OXR1: variants seen among roughly 807,000 people sequenced by gnomAD.
OXR1 encodes oxidation resistance protein 1.
A neutral mutation model predicts 104.6 loss-of-function variants in OXR1; 41 were observed. That is an observed-to-expected ratio of 0.39 (90% CI 0.31 to 0.51). The LOEUF is 0.51. Among genes scored for constraint, OXR1 ranks in the 20% least tolerant of loss-of-function variants. The probability of loss-of-function intolerance (pLI) is 0.77; values close to 1 mark genes in which losing one functional copy is unlikely to be tolerated. For missense variants in OXR1, 955 were observed against 1,031.9 expected (o/e 0.93, Z 1.02); for synonymous variants, 348 against 348.4 (o/e 1.00, Z 0.01).
intron 15 of OXR1, among the ~76,000 whole-genome samples, chr8:106,745,058 G>A (rs2131591301): frequency 6.6e-6 from 1 of 152,218 alleles, no homozygotes; most frequent in South Asian, 2.1e-4. Flanking sequence ...GTGTAATAAT[G>A]TAGTCAATTA....
At chr8:106,391,683 A>G (rs1419152929) in intron 2 of OXR1, among the ~76,000 whole-genome samples, 1 of 152,182 alleles carries the variant, frequency 6.6e-6, no homozygotes, top group Non-Finnish European at 1.5e-5. Flanking sequence ...CTGCAAACTT[A>G]GAATTTTTTT....
intron 3 of OXR1, among the ~76,000 whole-genome samples, chr8:106,604,055 A>AAAAC (rs947094931): frequency 2.6e-4 from 39 of 152,276 alleles, no homozygotes; most frequent in East Asian, 1.5e-3. Context: ...TCCATCTCAA[A>AAAAC]AAACAAACAA....
chr8:106,439,673 C>CAA (rs147401388), intron 2 of OXR1, among the ~76,000 whole-genome samples: 2,062 of 152,110 alleles, frequency 0.014, 42 homozygotes, highest in African/African-American at 0.045. Flanking sequence ...ATTTGACATA[C>CAA]AAACATTGTG....
rs1371707403 is a variant in OXR1 at position 106,302,918 on chromosome 8, AT to A, written c.-139+32559del. ...AGGCGCCCGCCACCAGGCCCGGCTAATTTTTTTTGTATTTTTAGTAGAGACG... is the reference window on the plus strand; with the variant it reads ...AGGCGCCCGCCACCAGGCCCGGCTAATTTTTTTGTATTTTTAGTAGAGACG... On this transcript the variant is annotated intron_variant, in intron 1 of 16. Coordinates refer to ENST00000517566, the MANE Select transcript of OXR1 (RefSeq NM_001198533.2). 1.3e-3 allele frequency among the ~76,000 whole-genome samples: 197 copies of A among 150,968 alleles called. 1 individual carries two copies. Among genetic ancestry groups the A allele is most frequent in the African/African-American group, 4.6e-3 (189 of 41,194 alleles).
chr8:106,467,178 G>A (rs1350377865), intron 2 of OXR1, among the ~76,000 whole-genome samples: 1 of 151,866 alleles, frequency 6.6e-6, no homozygotes, highest in East Asian at 1.9e-4. Flanking sequence ...TCAAGGTCAG[G>A]TCACCAGCTG....
chr8:106,572,317 G>A lies in OXR1; in HGVS notation c.220+53178G>A, dbSNP rs1244088689. ...AATCTGATCTATATTTCTGGCTTCC[G>A]CTGGGATGGCTGATTAAATCCATTG... On this transcript the variant is annotated intron_variant, in intron 3 of 16. Coordinates refer to ENST00000517566, the MANE Select transcript of OXR1 (RefSeq NM_001198533.2). Among the ~76,000 whole-genome samples, 6 of 152,028 alleles carry A rather than the reference G, an allele frequency of 3.9e-5. 1 individual carries two copies. The highest frequency in any genetic ancestry group is 8.8e-5 in the Non-Finnish European group (6 of 68,010).
At position 106,620,109 on chromosome 8, in the gene OXR1, T is replaced by C. The variant is rs370756707; in HGVS notation, c.221-59101T>C. On this transcript the variant is annotated intron_variant, in intron 3 of 16. Transcript: ENST00000517566. ...CTTCATCTAGATTATGCATTTTGCT[T>C]CATTGTACCCATCCATAGGCACTTA... Among the ~76,000 whole-genome samples the C allele has an allele frequency of 5.3e-5, 8 of 152,298 alleles. No homozygotes were observed. In the South Asian group the frequency reaches 1.7e-3, roughly 32 times the overall value.
At chr8:106,369,226 C>G (rs779987591) in intron 2 of OXR1, among the ~76,000 whole-genome samples, 91 of 152,238 alleles carry the variant, frequency 6.0e-4, no homozygotes, top group Middle Eastern at 3.4e-3. Context: ...ATATTCTTTG[C>G]CCACTTTTTG....
At chr8:106,714,070 G>A in intron 11 of OXR1, 85 bp downstream of exon 11, 1 of 1,064,700 alleles carries the variant, frequency 9.4e-7, no homozygotes, top group South Asian at 1.6e-5. Flanking sequence ...TATAAGTGAT[G>A]TTTCCACAAA....
chr8:106,372,407 G>GT (rs113406678), intron 2 of OXR1, among the ~76,000 whole-genome samples: 175 of 144,494 alleles, frequency 1.2e-3, no homozygotes, highest in East Asian at 2.4e-3. Flanking sequence ...TGCTTATTAT[G>GT]TTTTTTTTTT....
intron 3 of OXR1, among the ~76,000 whole-genome samples, chr8:106,665,582 C>G (rs1826218900): frequency 1.3e-5 from 2 of 152,130 alleles, no homozygotes. Context: ...ATAGAATGCA[C>G]TTTTTATGGT....
intron 2 of OXR1, among the ~76,000 whole-genome samples, chr8:106,365,950 G>T (rs1353954484): frequency 6.6e-6 from 1 of 152,120 alleles, no homozygotes; most frequent in East Asian, 1.9e-4. Flanking sequence ...CATTTAATGA[G>T]CCTGAGGTTG....
chr8:106,740,084 T>A (rs1182465400), intron 13 of OXR1, among the ~76,000 whole-genome samples: 1 of 152,164 alleles, frequency 6.6e-6, no homozygotes, highest in Non-Finnish European at 1.5e-5. Flanking sequence ...CATTAAGTAA[T>A]CTATGTTTCT....
At chr8:106,273,987 TTTAA>T (rs1811923551) in intron 1 of OXR1, among the ~76,000 whole-genome samples, 1 of 152,238 alleles carries the variant, frequency 6.6e-6, no homozygotes, top group South Asian at 2.1e-4. Context: ...TTCAAATGAA[TTTAA>T]TTAAAATTAC....
intron 3 of OXR1, among the ~76,000 whole-genome samples, chr8:106,538,455 T>C (rs893957737): frequency 1.3e-5 from 2 of 152,214 alleles, no homozygotes; most frequent in Admixed American, 6.5e-5. Flanking sequence ...CTACTATTTT[T>C]TTTCCCCTCC....
chr8:106,697,412 C>T lies in OXR1; in HGVS notation c.675+4535C>T, dbSNP rs1187678315. Reference sequence around the variant, plus strand: ...CACTCGTGGGAGGGCAGGGGCAAGGCCTGGGGTGGGATCAAAGGATCTGGT... The same window carrying T: ...CACTCGTGGGAGGGCAGGGGCAAGGTCTGGGGTGGGATCAAAGGATCTGGT... On this transcript the variant is annotated intron_variant, in intron 7 of 16. Transcript: ENST00000517566. 1.3e-5 allele frequency: 19 copies of T among 1,452,172 alleles called. No individual in the cohort carries two copies. In the East Asian group the frequency reaches 2.3e-4, roughly 17 times the overall value. The allele number at this position is 1,452,172 out of a possible 1,614,324, so 90.0% of individuals were successfully genotyped here. A position where few individuals can be genotyped will look rare whatever the true frequency, so the allele number is the denominator to read the frequency against.
chr8:106,405,183 TATATATATATATATATATA>T (rs1225944733), intron 2 of OXR1, among the ~76,000 whole-genome samples: 410 of 13,448 alleles, frequency 0.03, 2 homozygotes, highest in South Asian at 0.088. Flanking sequence ...TATATATATA[TATATATATATATATATATA>T]GTGTGTGTGT....
chr8:106,352,609 A>G (rs1586557598), intron 1 of OXR1, among the ~76,000 whole-genome samples: 2 of 152,210 alleles, frequency 1.3e-5, no homozygotes, highest in East Asian at 1.9e-4. Context: ...AATTAAGGTA[A>G]ATCCATTCAA....
At chr8:106,507,394 G>A (rs1812240614) in intron 2 of OXR1, among the ~76,000 whole-genome samples, 1 of 152,190 alleles carries the variant, frequency 6.6e-6, no homozygotes, top group Non-Finnish European at 1.5e-5. Flanking sequence ...CGAATGCCAG[G>A]CATTCTAACT....
Sources: allele counts gnomAD v4.1 joint callset (sites outside exome capture counted in the v4.1 genomes callset), GRCh38; gene constraint gnomAD v4.1.1; transcripts MANE v1.5; gene names NCBI Gene and HGNC (gene_info 2026-07-23, HGNC 2026-07-21).